Variants in KMT5B observed in about 807,000 individuals in gnomAD.
KMT5B encodes the protein histone-lysine N-methyltransferase KMT5B.
A neutral mutation model predicts 83.2 loss-of-function variants in KMT5B; 10 were observed. The ratio of observed to expected loss-of-function variants is 0.12; its 90% CI spans 0.07 to 0.20. The LOEUF is 0.20. Ranked by LOEUF, KMT5B falls within the 10% of genes least tolerant of loss-of-function variation. The pLI, the probability that KMT5B is intolerant of heterozygous loss-of-function variation, is 1.00. For missense variants in KMT5B, 753 were observed against 1,067.2 expected (o/e 0.71, Z 4.10); for synonymous variants, 349 against 388.8 (o/e 0.90, Z 1.20).
At chr11:68,176,954 G>C (rs1372095018) in intron 4 of KMT5B, among the ~76,000 whole-genome samples, 1 of 152,168 alleles carries the variant, frequency 6.6e-6, no homozygotes, top group Non-Finnish European at 1.5e-5. Flanking sequence ...ATTGAGGTAA[G>C]ATCTAGCACA....
intron 2 of KMT5B, among the ~76,000 whole-genome samples, chr11:68,187,002 T>TC (rs1478885544): frequency 6.8e-6 from 1 of 147,982 alleles, no homozygotes; most frequent in Non-Finnish European, 1.5e-5. Context: ...ACAACTCACT[T>TC]TTTTTTTTTT....
intron 1 of KMT5B, among the ~76,000 whole-genome samples, chr11:68,210,279 A>G (rs1860733207): frequency 6.6e-6 from 1 of 152,172 alleles, no homozygotes; most frequent in Admixed American, 6.5e-5. Flanking sequence ...TAGTCTCTCA[A>G]TTCTAAAACC....
chr11:68,209,770 C>T (rs528851275), intron 1 of KMT5B, among the ~76,000 whole-genome samples: 1 of 152,246 alleles, frequency 6.6e-6, no homozygotes, highest in South Asian at 2.1e-4. Context: ...CTTTAAACTG[C>T]AGTCTGGGGT....
intron 1 of KMT5B, among the ~76,000 whole-genome samples, chr11:68,196,437 T>C (rs1007709702): frequency 3.3e-5 from 5 of 149,256 alleles, no homozygotes; most frequent in African/African-American, 1.2e-4. Context: ...TGAGAATCTA[T>C]TTTTCTTATC....
chr11:68,181,411 G>T (rs1361543620), intron 3 of KMT5B, among the ~76,000 whole-genome samples: 1 of 152,076 alleles, frequency 6.6e-6, no homozygotes, highest in Non-Finnish European at 1.5e-5. Flanking sequence ...CCTGTTGGTA[G>T]ACTGAAAGAA....
chr11:68,190,412 C>T (rs1335253323), intron 1 of KMT5B, among the ~76,000 whole-genome samples: 1 of 152,050 alleles, frequency 6.6e-6, no homozygotes, highest in Admixed American at 6.6e-5. Flanking sequence ...AGAGTATATT[C>T]CTTCTACTTT....
intron 3 of KMT5B, among the ~76,000 whole-genome samples, chr11:68,182,130 G>A (rs1856993652): frequency 6.6e-6 from 1 of 152,184 alleles, no homozygotes; most frequent in Non-Finnish European, 1.5e-5. Flanking sequence ...TAACTTAGGA[G>A]TCCTCAGTTA....
rs943421550 is a variant in KMT5B at position 68,184,738 on chromosome 11, C to A, written c.308+1043G>T. 1.3e-4 allele frequency among the ~76,000 whole-genome samples: 20 copies of A among 152,206 alleles called. 1 individual carries two copies. The highest frequency in any genetic ancestry group is 4.6e-4 in the African/African-American group (19 of 41,444). On this transcript the variant is annotated intron_variant, in intron 3 of 10. Transcript: ENST00000304363. The stretch of plus-strand genomic sequence containing the variant: ...TGCTTTTCCACCAGGCTAAAAAACC[C>A]TTTGCCATAGAGGTTAAGAGACAAA...
chr11:68,179,821 C>G, intron 4 of KMT5B: 1 of 388,236 alleles, frequency 2.6e-6, no homozygotes, highest in Non-Finnish European at 4.4e-6. Flanking sequence ...GCTCTTCAGT[C>G]CTTCTTGACC....
rs754731200 is a variant in KMT5B at position 68,165,872 on chromosome 11, G to T, written c.1174+1110C>A. The T allele has an allele frequency of 1.3e-5, 21 of 1,612,892 alleles. No homozygotes were observed. The South Asian group carries it at 2.2e-4, about 17-fold the overall frequency. On this transcript the variant is annotated intron_variant, in intron 10 of 10. Coordinates refer to ENST00000304363, the MANE Select transcript of KMT5B (RefSeq NM_017635.5). ...GGTTATGCTTGGACTCTGACTCCCA[G>T]CAGCAGGTAGATTCAGGAATTCATG...
upstream of KMT5B, chr11:68,213,627 C>A (rs1329336922): frequency 1.0e-4 from 16 of 153,800 alleles, no homozygotes; most frequent in Middle Eastern, 3.4e-3. Flanking sequence ...GCCGCCGCGT[C>A]GCCGCCCCCG....
intron 1 of KMT5B, among the ~76,000 whole-genome samples, chr11:68,192,071 A>G (rs1858150769): frequency 6.6e-6 from 1 of 152,232 alleles, no homozygotes; most frequent in Admixed American, 6.5e-5. Context: ...GCCTAGGAGC[A>G]ATGGCCCAGG....
chr11:68,171,512 C>G lies in KMT5B; in HGVS notation c.820+31G>C. 6.2e-7 allele frequency: 1 copy of G among 1,605,590 alleles called. No homozygotes were observed. The highest frequency in any genetic ancestry group is 8.5e-7 in the Non-Finnish European group (1 of 1,175,622). ...TAGCAGTTAGCAGGAATGGCCAACA[C>G]TAGCGCCAACACCTTGGAAACACAG... On this transcript the variant is annotated intron_variant, in intron 7 of 10. Transcript: ENST00000304363. This position sits in a 1 kb window ranked among gnomAD's most constrained non-coding sequence, Gnocchi z 5.1.
chr11:68,213,573 C>T (rs563019630), upstream of KMT5B: 32 of 152,010 alleles, frequency 2.1e-4, 1 homozygote, highest in South Asian at 3.7e-3. Flanking sequence ...CTCCGGTTCC[C>T]GGGCGTCCTC....
chr11:68,213,383 GC>G (rs1861243743), upstream of KMT5B: 2 of 144,320 alleles, frequency 1.4e-5, no homozygotes, highest in African/African-American at 5.0e-5. Context: ...CCCCCAACCG[GC>G]CGCCGCCGCC....
Position 68,180,055 on chromosome 11 carries a change from A to G in KMT5B, c.377+77T>C, listed in dbSNP as rs1307476161. On this transcript the variant is annotated intron_variant, in intron 4 of 10. Coordinates refer to ENST00000304363, the MANE Select transcript of KMT5B (RefSeq NM_017635.5). ...CTAATTTATGCTGACACTTCAAATTACTTAACATAAAAGAACATTTTAAAA... is the reference window on the plus strand; with the variant it reads ...CTAATTTATGCTGACACTTCAAATTGCTTAACATAAAAGAACATTTTAAAA... The G allele has an allele frequency of 2.4e-5, 35 of 1,451,954 alleles. No homozygotes were observed. The South Asian group carries it at 3.6e-4, about 15-fold the overall frequency. The allele number at this position is 1,451,954 out of a possible 1,614,324, so 89.9% of individuals were successfully genotyped here.
intron 3 of KMT5B, among the ~76,000 whole-genome samples, chr11:68,181,076 T>TC (rs765339925): frequency 0.14 from 19,185 of 141,824 alleles, 1,445 homozygotes; most frequent in East Asian, 0.23. Context: ...TTCTTTTTTC[T>TC]TTTTTTTTTT....
Position 68,171,323 on chromosome 11 carries a change from T to C in KMT5B, c.821-72A>G. On this transcript the variant is annotated intron_variant, in intron 7 of 10. Transcript: ENST00000304363. This position sits in a 1 kb window ranked among gnomAD's most constrained non-coding sequence, Gnocchi z 5.1. ...TGAAACACGAACAATTATAGAAATCTGAAATAAGCTTTCCATATAACTTTA... is the reference window on the plus strand; with the variant it reads ...TGAAACACGAACAATTATAGAAATCCGAAATAAGCTTTCCATATAACTTTA... 1.3e-6 allele frequency: 2 copies of C among 1,552,308 alleles called. No individual in the cohort carries two copies. The highest frequency in any genetic ancestry group is 1.8e-6 in the Non-Finnish European group (2 of 1,134,162).
chr11:68,201,230 T>TG (rs1470052859), intron 1 of KMT5B, among the ~76,000 whole-genome samples: 1 of 152,176 alleles, frequency 6.6e-6, no homozygotes, highest in Non-Finnish European at 1.5e-5. Flanking sequence ...GTGCTACCGT[T>TG]GCTGGGGGGA....
Sources: allele counts gnomAD v4.1 joint callset (sites outside exome capture counted in the v4.1 genomes callset), GRCh38; gene constraint gnomAD v4.1.1; non-coding constraint Gnocchi (gnomAD v3.1); transcripts MANE v1.5; gene names NCBI Gene and HGNC (gene_info 2026-07-23, HGNC 2026-07-21).